The following PTPRG variants were observed in gnomAD, a reference collection of about 807,000 sequenced individuals.
PTPRG encodes the protein protein tyrosine phosphatase receptor type G, also known as receptor-type tyrosine-protein phosphatase gamma.
In PTPRG, 102 loss-of-function variants were observed where a neutral mutation model predicts 165.3. The observed-to-expected ratio is 0.62, with a 90% CI of 0.53 to 0.73. The LOEUF (loss-of-function observed/expected upper bound fraction) is 0.73, where lower values mean the gene tolerates loss of function less well. PTPRG is among the 30% of genes least tolerant of loss of function. PTPRG has a pLI of 0.00. For synonymous variants in PTPRG, 675 were observed against 669.5 expected (o/e 1.01, Z -0.13); for missense variants, 1,866 against 1,861.4 (o/e 1.00, Z -0.05).
rs1488278646 is a variant in PTPRG, at chr3:62,233,017, T to C, written c.2375+1706T>C. On this transcript the variant is annotated intron_variant, in intron 14 of 29. Transcript: ENST00000474889. This position sits in a 1 kb window ranked among gnomAD's most constrained non-coding sequence, Gnocchi z 4.7. Reference sequence around the variant, plus strand: ...TGAGTCTAATGATAGCAACTTTTCATGAGGTTGTTGTGAAGATTAAATGGG... The same window carrying C: ...TGAGTCTAATGATAGCAACTTTTCACGAGGTTGTTGTGAAGATTAAATGGG... 6.6e-6 allele frequency among the ~76,000 whole-genome samples: 1 copy of C among 152,134 alleles called. No individual in the cohort carries two copies. The highest frequency in any genetic ancestry group is 2.4e-5 in the African/African-American group (1 of 41,436).
At chr3:61,861,626 C>A (rs1223996056) in intron 2 of PTPRG, among the ~76,000 whole-genome samples, 2 of 152,110 alleles carry the variant, frequency 1.3e-5, no homozygotes, top group African/African-American at 4.8e-5. Context: ...CTAGATGAGC[C>A]CAGATCAGTC....
chr3:61,677,031 G>C (rs1031688374), intron 1 of PTPRG, among the ~76,000 whole-genome samples: 2 of 152,112 alleles, frequency 1.3e-5, no homozygotes, highest in Non-Finnish European at 2.9e-5. Context: ...TGGATCACAA[G>C]GTTAGGAGTT....
At chr3:62,232,646 A>T (rs1019930564) in intron 14 of PTPRG, among the ~76,000 whole-genome samples, 3 of 152,154 alleles carry the variant, frequency 2.0e-5, no homozygotes, top group African/African-American at 4.8e-5. Context: ...AGCCTGCCAG[A>T]CTATTTCTTT....
intron 7 of PTPRG, among the ~76,000 whole-genome samples, chr3:62,162,149 G>T (rs537757539): frequency 9.0e-4 from 136 of 150,922 alleles, no homozygotes; most frequent in African/African-American, 3.2e-3. Context: ...CACACGAAGG[G>T]CATGAATAGA....
chr3:61,963,494 C>T (rs9876411), intron 2 of PTPRG, among the ~76,000 whole-genome samples: 2 of 152,042 alleles, frequency 1.3e-5, no homozygotes, highest in Admixed American at 6.5e-5. Flanking sequence ...TTTATACTTG[C>T]GGATGCTAGA....
intron 16 of PTPRG, among the ~76,000 whole-genome samples, chr3:62,257,792 A>G (rs1249108642): frequency 1.3e-5 from 2 of 152,012 alleles, no homozygotes; most frequent in African/African-American, 2.4e-5. Context: ...CTGTCTCTAC[A>G]AAAAAAATTT....
chr3:61,806,413 A>G (rs924292887), intron 2 of PTPRG, among the ~76,000 whole-genome samples: 21 of 152,208 alleles, frequency 1.4e-4, no homozygotes, highest in African/African-American at 5.1e-4. Flanking sequence ...TAAAGACTTC[A>G]TTTCACCATC....
rs1361800812 is a variant in PTPRG at position 62,213,147 on chromosome 3, T to G, written c.2156-5704T>G. ...AAAGCTCCGAGTGAAAGTGTGCTGC[T>G]CCTGACAGAGGGGAGCATCTAGTGT... On this transcript the variant is annotated intron_variant, in intron 12 of 29. Transcript: ENST00000474889. This position sits in a 1 kb window ranked among gnomAD's most constrained non-coding sequence, Gnocchi z 4.4. Among the ~76,000 whole-genome samples, 3 of 152,180 alleles carry G rather than the reference T, an allele frequency of 2.0e-5. No individual in the cohort carries two copies. The highest frequency in any genetic ancestry group is 4.4e-5 in the Non-Finnish European group (3 of 68,022).
chr3:61,992,129 A>C (rs944192187), intron 3 of PTPRG, among the ~76,000 whole-genome samples: 8 of 152,254 alleles, frequency 5.3e-5, no homozygotes, highest in Non-Finnish European at 1.2e-4. Flanking sequence ...TGTAAAATTC[A>C]CTACATAATA....
chr3:61,579,775 C>T (rs146783400), intron 1 of PTPRG, among the ~76,000 whole-genome samples: 133 of 152,266 alleles, frequency 8.7e-4, no homozygotes, highest in Non-Finnish European at 9.3e-4. Flanking sequence ...GCCAGGTGAG[C>T]GAGGACAGAA....
Position 62,195,257 on chromosome 3 carries a change from A to G in PTPRG, c.1327+87A>G, listed in dbSNP as rs1316695399. Reference sequence around the variant, plus strand: ...GCTTCTTCCTGCTCAGGTGCTGGGGAAAAATACAAACAAGCCTGGCAGAAG... The same window carrying G: ...GCTTCTTCCTGCTCAGGTGCTGGGGGAAAATACAAACAAGCCTGGCAGAAG... On this transcript the variant is annotated intron_variant, in intron 10 of 29. Transcript: ENST00000474889. This position sits in a 1 kb window ranked among gnomAD's most constrained non-coding sequence, Gnocchi z 4.4. 6 of 1,193,026 alleles carry G rather than the reference A, an allele frequency of 5.0e-6. No homozygotes were observed. Among genetic ancestry groups the G allele is most frequent in the Non-Finnish European group, 7.5e-6 (6 of 804,882 alleles). The allele number at this position is 1,193,026 out of a possible 1,614,324, so 73.9% of individuals were successfully genotyped here. A position where few individuals can be genotyped will look rare whatever the true frequency, so the allele number is the denominator to read the frequency against.
At chr3:62,074,431 C>A (rs1173763537) in intron 4 of PTPRG, among the ~76,000 whole-genome samples, 1 of 142,328 alleles carries the variant, frequency 7.0e-6, no homozygotes, top group African/African-American at 2.6e-5. Flanking sequence ...TCAGTAGCCT[C>A]AATAGCCTCA....
At chr3:61,800,674 G>A (rs74449776) in intron 2 of PTPRG, among the ~76,000 whole-genome samples, 1 of 112,876 alleles carries the variant, frequency 8.9e-6, no homozygotes, top group Admixed American at 8.9e-5. Context: ...TTTTTTTTTT[G>A]TTCTTGTTGC....
At chr3:61,779,051 G>T (rs563765262) in intron 2 of PTPRG, among the ~76,000 whole-genome samples, 1 of 152,088 alleles carries the variant, frequency 6.6e-6, no homozygotes, top group South Asian at 2.1e-4. Context: ...ATTTCAGGAG[G>T]ATTTACACAC....
At chr3:61,618,756 T>C (rs1258173084) in intron 1 of PTPRG, among the ~76,000 whole-genome samples, 1 of 152,122 alleles carries the variant, frequency 6.6e-6, no homozygotes, top group African/African-American at 2.4e-5. Context: ...TTCCAGAGAC[T>C]TTCTGTTGAT....
intron 2 of PTPRG, among the ~76,000 whole-genome samples, chr3:61,844,723 G>A (rs749381567): frequency 4.0e-5 from 6 of 151,070 alleles, no homozygotes; most frequent in African/African-American, 1.5e-4. Context: ...GGGTGGTCTC[G>A]AACTCCTGGC....
Position 62,271,542 on chromosome 3 carries a change from T to G in PTPRG, c.3169T>G (p.Leu1057Val), listed in dbSNP as rs765127741. 1.2e-6 allele frequency: 2 copies of G among 1,613,308 alleles called. No homozygotes were observed. Among genetic ancestry groups the G allele is most frequent in the Non-Finnish European group, 1.7e-6 (2 of 1,179,532 alleles). ...TCGGATGCCAGAAACGGGCCCTGTG[T>G]TGGTGCACTGCAGGTAGGGTCTAGG... ...AARMPETGPV[L>V]VHCSAGVGRT... Residue 1057 changes from leucine (L) to valine (V), a missense_variant, in exon 21 of 30, where the codon TTG (leucine) becomes GTG (valine). Leu to Val is a conservative substitution (Grantham distance 32). This residue lies in a region of PTPRG where 1,452 missense variants were observed against 1,463.0 expected (regional missense o/e 0.99). Coordinates refer to ENST00000474889, the MANE Select transcript of PTPRG (RefSeq NM_002841.4). This position sits in a 1 kb window ranked among gnomAD's most constrained non-coding sequence, Gnocchi z 4.1.
chr3:61,901,977 G>T (rs537136929), intron 2 of PTPRG, among the ~76,000 whole-genome samples: 2 of 152,254 alleles, frequency 1.3e-5, no homozygotes, highest in South Asian at 4.1e-4. Flanking sequence ...CTTGATGAAG[G>T]TTTTTGTCTT....
chr3:61,859,168 T>C (rs1434744070), intron 2 of PTPRG, among the ~76,000 whole-genome samples: 1 of 152,200 alleles, frequency 6.6e-6, no homozygotes, highest in African/African-American at 2.4e-5. Context: ...GCTTTAACTA[T>C]ATAGTAATGT....
Sources: allele counts gnomAD v4.1 joint callset (sites outside exome capture counted in the v4.1 genomes callset), GRCh38; gene constraint gnomAD v4.1.1; regional missense constraint gnomAD v4.1.1; non-coding constraint Gnocchi (gnomAD v3.1); transcripts MANE v1.5; gene names NCBI Gene and HGNC (gene_info 2026-07-23, HGNC 2026-07-21).